WDR47: variants seen among roughly 807,000 people sequenced by gnomAD.
WDR47 encodes WD repeat domain 47, also known as WD repeat-containing protein 47.
Under a neutral mutation model 97.2 loss-of-function variants are expected in WDR47, and 32 were observed. The ratio of observed to expected loss-of-function variants is 0.33; its 90% CI spans 0.25 to 0.44. The LOEUF (loss-of-function observed/expected upper bound fraction) is 0.44, where lower values mean the gene tolerates loss of function less well. Among genes scored for constraint, WDR47 ranks in the 20% least tolerant of loss-of-function variants. The probability of loss-of-function intolerance (pLI) is 1.00; values close to 1 mark genes in which losing one functional copy is unlikely to be tolerated. For missense variants in WDR47, 782 were observed against 1,102.3 expected (o/e 0.71, Z 4.11); for synonymous variants, 375 against 373.5 (o/e 1.00, Z -0.05).
chr1:109,005,876 AAAAAT>A (rs1660570437), intron 5 of WDR47, among the ~76,000 whole-genome samples: 1 of 152,174 alleles, frequency 6.6e-6, no homozygotes, highest in Admixed American at 6.6e-5. Flanking sequence ...TCAAAAAAAT[AAAAAT>A]AAAAATAAAT....
At chr1:108,974,153 C>T (rs886535210) in intron 14 of WDR47, among the ~76,000 whole-genome samples, 2 of 152,034 alleles carry the variant, frequency 1.3e-5, no homozygotes, top group Admixed American at 1.3e-4. Context: ...TAAGATCACA[C>T]CACTGCACTC....
In WDR47 at chr1:109,002,209, G is replaced by A; in HGVS notation, c.1433+15C>T. ...CAAATAACTCCATATTTTAAAAAGT[G>A]ATTAGAAGACCAACCTATTAAGGAA... On this transcript the variant is annotated intron_variant, in intron 7 of 14. Transcript: ENST00000369962. The A allele has an allele frequency of 3.2e-6, 5 of 1,547,046 alleles. No homozygotes were observed. Among genetic ancestry groups the A allele is most frequent in the Non-Finnish European group, 4.3e-6 (5 of 1,152,924 alleles).
chr1:108,998,638 GA>G (rs1440891504), intron 7 of WDR47, among the ~76,000 whole-genome samples: 1 of 152,098 alleles, frequency 6.6e-6, no homozygotes, highest in Non-Finnish European at 1.5e-5. Context: ...AAAAGATCAA[GA>G]GGTATAAAGT....
intron 1 of WDR47, among the ~76,000 whole-genome samples, chr1:109,027,110 G>A (rs1662266466): frequency 1.3e-5 from 2 of 151,896 alleles, no homozygotes; most frequent in African/African-American, 2.4e-5. Flanking sequence ...GGGCTGGAGT[G>A]CAGTGGCAAT....
At position 108,982,729 on chromosome 1, in the gene WDR47, A is replaced by C; in HGVS notation, c.2146T>G (p.Phe716Val). 1 of 1,614,072 alleles carries C rather than the reference A, an allele frequency of 6.2e-7. No homozygotes were observed. Among genetic ancestry groups the C allele is most frequent in the Non-Finnish European group, 8.5e-7 (1 of 1,180,018 alleles). ...MHDGTIRDLA[F>V]MEGPESGGAI... ...CCTCCGCTTTCTGGGCCTTCCATAA[A>C]TGCCAAGTCTCTAATTGTTCCATCA... is the stretch of plus-strand genomic sequence containing the variant. The change falls in exon 12 of 15, where the codon TTT (phenylalanine) becomes GTT (valine). Residue 716 changes from phenylalanine (F) to valine (V), a missense_variant. Physicochemically the swap from Phe to Val is conservative, Grantham distance 50. Around this residue, in one of 3 missense-constraint regions of WDR47, gnomAD observed 228 missense variants for 396.7 expected, o/e 0.57. Coordinates refer to ENST00000369962, the MANE Select transcript of WDR47 (RefSeq NM_001142551.2).
intron 2 of WDR47, 149 bp from the exon 3 acceptor site, chr1:109,017,750 ATT>A (rs33990918): frequency 0.11 from 44,080 of 410,904 alleles, no homozygotes; most frequent in East Asian, 0.17. Context: ...ATTTTTCATA[ATT>A]TTTTTTTTTT....
chr1:109,015,470 T>C (rs1403935734), intron 3 of WDR47, among the ~76,000 whole-genome samples: 2 of 151,374 alleles, frequency 1.3e-5, no homozygotes, highest in Non-Finnish European at 2.9e-5. Context: ...ATTACAGGCA[T>C]GTGCCACCAC....
intron 1 of WDR47, chr1:109,030,220 G>A: frequency 6.4e-7 from 1 of 1,554,844 alleles, no homozygotes; most frequent in Non-Finnish European, 8.7e-7. Context: ...ATGCACAAAT[G>A]GTAGTTTTGT....
At chr1:109,015,720 G>A (rs1191574893) in intron 3 of WDR47, among the ~76,000 whole-genome samples, 1 of 150,624 alleles carries the variant, frequency 6.6e-6, no homozygotes, top group Non-Finnish European at 1.5e-5. Flanking sequence ...AGGTGCGTTG[G>A]CTCAAGCCTG....
Position 109,023,339 on chromosome 1 carries a change from T to C in WDR47, c.158+16A>G. 1.9e-6 allele frequency: 3 copies of C among 1,610,924 alleles called. No homozygotes were observed. The highest frequency in any genetic ancestry group is 8.5e-7 in the Non-Finnish European group (1 of 1,178,642). ...TTCGAAGGAGCTACAAACTTCACAG[T>C]ATAATGAAATCATACCTCAGGAAAA... On this transcript the variant is annotated intron_variant, in intron 2 of 14. Coordinates refer to ENST00000369962, the MANE Select transcript of WDR47 (RefSeq NM_001142551.2).
chr1:108,995,945 A>T (rs1220261518), intron 7 of WDR47, 108 bp from the exon 8 acceptor site: 1 of 1,110,574 alleles, frequency 9.0e-7, no homozygotes. Context: ...TATAATATAT[A>T]ATCTATGGCA....
At chr1:109,016,745 A>T (rs1267939055) in intron 3 of WDR47, among the ~76,000 whole-genome samples, 1 of 152,122 alleles carries the variant, frequency 6.6e-6, no homozygotes, top group African/African-American at 2.4e-5. Context: ...TCAAGAGTGA[A>T]GCTGAAATGT....
At chr1:109,002,181 T>C (rs1343715168) in intron 7 of WDR47, 43 bp downstream of exon 7, 1 of 1,495,560 alleles carries the variant, frequency 6.7e-7, no homozygotes, top group Non-Finnish European at 8.9e-7. Context: ...TTTAAATAGC[T>C]TTCAAATAAC....
At chr1:109,013,745 T>G (rs1156523425) in intron 4 of WDR47, 96 bp downstream of exon 4, 1 of 1,351,402 alleles carries the variant, frequency 7.4e-7, no homozygotes, top group Admixed American at 2.1e-5. Flanking sequence ...ATAAAAACTC[T>G]GAAAACTTGT....
chr1:109,037,603 G>A (rs893090887), intron 1 of WDR47, among the ~76,000 whole-genome samples: 1 of 149,118 alleles, frequency 6.7e-6, no homozygotes, highest in African/African-American at 2.5e-5. Flanking sequence ...CTCCAGCCTG[G>A]GGGACAGAGC....
intron 13 of WDR47, among the ~76,000 whole-genome samples, chr1:108,975,300 AAAT>A (rs762490250): frequency 7.3e-5 from 11 of 151,622 alleles, no homozygotes; most frequent in Non-Finnish European, 1.6e-4. Flanking sequence ...TTTATTTTAT[AAAT>A]TATTATAATT....
At chr1:108,980,286 A>C (rs971011067) in intron 13 of WDR47, among the ~76,000 whole-genome samples, 1 of 152,194 alleles carries the variant, frequency 6.6e-6, no homozygotes, top group Non-Finnish European at 1.5e-5. Flanking sequence ...GTAAAACATC[A>C]TATCTGGTTT....
intron 1 of WDR47, among the ~76,000 whole-genome samples, chr1:109,024,368 G>A (rs1475565332): frequency 1.3e-5 from 2 of 151,996 alleles, no homozygotes; most frequent in Non-Finnish European, 2.9e-5. Context: ...TGGGAGGATC[G>A]CTTGAGCCCA....
chr1:109,009,051 C>A (rs1376956417), intron 5 of WDR47, among the ~76,000 whole-genome samples: 1 of 151,856 alleles, frequency 6.6e-6, no homozygotes, highest in Non-Finnish European at 1.5e-5. Context: ...TGCCACTGCA[C>A]TCCAGCCTGG....
Sources: gnomAD v4.1 joint callset for allele counts (sites outside exome capture counted in the v4.1 genomes callset) on GRCh38, gnomAD v4.1.1 for gene constraint, gnomAD v4.1.1 regional missense constraint, MANE v1.5 for transcripts, NCBI Gene and HGNC (gene_info 2026-07-23, HGNC 2026-07-21) for gene names.